Variants in NPAS3 observed in about 807,000 individuals in gnomAD.
NPAS3 encodes the protein neuronal PAS domain-containing protein 3.
In NPAS3, 14 loss-of-function variants were observed where a neutral mutation model predicts 73.1. The ratio of observed to expected loss-of-function variants is 0.19; its 90% confidence interval spans 0.13 to 0.30. NPAS3 has a LOEUF of 0.30. Among genes scored for constraint, NPAS3 ranks in the 10% least tolerant of loss-of-function variants. The probability of loss-of-function intolerance (pLI) is 1.00; values close to 1 mark genes in which losing one functional copy is unlikely to be tolerated. For synonymous variants in NPAS3, 620 were observed against 541.5 expected (o/e 1.14, Z -2.01); for missense variants, 1,096 against 1,250.0 (o/e 0.88, Z 1.86).
At chr14:32,946,494 T>C (rs1172101569) in intron 1 of NPAS3, among the ~76,000 whole-genome samples, 1 of 152,144 alleles carries the variant, frequency 6.6e-6, no homozygotes, top group African/African-American at 2.4e-5. Context: ...AAAGCTGTAC[T>C]TTAGGAAACT....
intron 4 of NPAS3, among the ~76,000 whole-genome samples, chr14:33,494,865 G>A (rs2052091368): frequency 6.6e-6 from 1 of 152,060 alleles, no homozygotes. Context: ...GACAAAAACA[G>A]AAGGGAGTTT....
chr14:33,434,013 A>G (rs1001631283), intron 4 of NPAS3, among the ~76,000 whole-genome samples: 1 of 152,092 alleles, frequency 6.6e-6, no homozygotes, highest in Non-Finnish European at 1.5e-5. Flanking sequence ...TAACAAGGTG[A>G]AACCCCGTCT....
intron 3 of NPAS3, among the ~76,000 whole-genome samples, chr14:33,239,403 A>G (rs2048142985): frequency 6.6e-6 from 1 of 151,924 alleles, no homozygotes; most frequent in African/African-American, 2.4e-5. Context: ...TTAATCTGTG[A>G]ATCAAATTTT....
intron 4 of NPAS3, among the ~76,000 whole-genome samples, chr14:33,545,192 G>C (rs2054783573): frequency 6.6e-6 from 1 of 151,876 alleles, no homozygotes; most frequent in Non-Finnish European, 1.5e-5. Context: ...CATGACTATT[G>C]AGTTTTTTTC....
chr14:33,114,488 G>A (rs1327443707), intron 2 of NPAS3, among the ~76,000 whole-genome samples: 4 of 152,158 alleles, frequency 2.6e-5, no homozygotes, highest in African/African-American at 9.7e-5. Flanking sequence ...TATGTTGTAA[G>A]GTTACTGCCT....
At chr14:33,364,379 C>T (rs1594773937) in intron 3 of NPAS3, among the ~76,000 whole-genome samples, 1 of 152,280 alleles carries the variant, frequency 6.6e-6, no homozygotes, top group Middle Eastern at 3.4e-3. Context: ...TTTTTAACAT[C>T]TATTCAGTTA....
intron 1 of NPAS3, among the ~76,000 whole-genome samples, chr14:33,012,874 T>C (rs903635978): frequency 1.3e-5 from 2 of 152,200 alleles, no homozygotes; most frequent in African/African-American, 4.8e-5. Context: ...TTGATTAACA[T>C]GTTTATATAT....
intron 3 of NPAS3, among the ~76,000 whole-genome samples, chr14:33,262,376 A>G (rs138876567): frequency 0.017 from 2,533 of 152,346 alleles, 28 homozygotes; most frequent in Middle Eastern, 0.048. Context: ...TTCAAGTTCT[A>G]TACACAACCA....
At chr14:33,476,984 C>A (rs1267449335) in intron 4 of NPAS3, among the ~76,000 whole-genome samples, 2 of 151,852 alleles carry the variant, frequency 1.3e-5, no homozygotes, top group Non-Finnish European at 2.9e-5. Flanking sequence ...TTCTCTTTTT[C>A]TTTTATTTAA....
At chr14:33,143,273 C>T (rs563495777) in intron 2 of NPAS3, among the ~76,000 whole-genome samples, 4 of 152,296 alleles carry the variant, frequency 2.6e-5, no homozygotes, top group South Asian at 2.1e-4. Flanking sequence ...GGGTGGATCA[C>T]CTGAGGTCAG....
chr14:32,966,776 CAAAAAAA>C (rs61620104), intron 1 of NPAS3, among the ~76,000 whole-genome samples: 1 of 45,156 alleles, frequency 2.2e-5, no homozygotes, highest in Non-Finnish European at 4.1e-5. Flanking sequence ...GACTCCGTCT[CAAAAAAA>C]AAAAAAAAAA....
At chr14:33,034,836 C>A (rs893405568) in intron 1 of NPAS3, among the ~76,000 whole-genome samples, 1 of 152,022 alleles carries the variant, frequency 6.6e-6, no homozygotes, top group African/African-American at 2.4e-5. Context: ...ACCAAGGAGG[C>A]CATAGGACCA....
intron 3 of NPAS3, among the ~76,000 whole-genome samples, chr14:33,239,448 G>C (rs1454592046): frequency 4.0e-5 from 6 of 151,726 alleles, no homozygotes; most frequent in Non-Finnish European, 7.4e-5. Context: ...TTTTTTCAAG[G>C]ATCTTTATTC....
chr14:33,268,539 T>C (rs1292541174), intron 3 of NPAS3, among the ~76,000 whole-genome samples: 3 of 152,134 alleles, frequency 2.0e-5, no homozygotes, highest in African/African-American at 7.2e-5. Context: ...TTATTGTATC[T>C]CTTTTTTTTG....
At chr14:33,152,001 T>C (rs999569378) in intron 2 of NPAS3, among the ~76,000 whole-genome samples, 2 of 152,126 alleles carry the variant, frequency 1.3e-5, no homozygotes, top group African/African-American at 4.8e-5. Context: ...TCCTTCACTC[T>C]ATAGTTCTGA....
chr14:33,298,588 A>G (rs889178224), intron 3 of NPAS3, among the ~76,000 whole-genome samples: 3 of 152,144 alleles, frequency 2.0e-5, no homozygotes, highest in Non-Finnish European at 4.4e-5. Context: ...ACCTCTTGCT[A>G]ACCCCTTTCT....
intron 7 of NPAS3, among the ~76,000 whole-genome samples, chr14:33,740,684 TA>T (rs1384562564): frequency 6.6e-6 from 1 of 152,212 alleles, no homozygotes; most frequent in African/African-American, 2.4e-5. Context: ...AACTGAAACA[TA>T]CTGGGTCCAT....
At chr14:33,765,744 TTTA>T (rs1157373162) in intron 7 of NPAS3, among the ~76,000 whole-genome samples, 2 of 152,226 alleles carry the variant, frequency 1.3e-5, no homozygotes, top group African/African-American at 4.8e-5. Flanking sequence ...CTGGGTCATC[TTTA>T]TTAAGATCTC....
intron 2 of NPAS3, among the ~76,000 whole-genome samples, chr14:33,071,625 A>T (rs2041487466): frequency 1.3e-5 from 2 of 152,210 alleles, no homozygotes; most frequent in African/African-American, 4.8e-5. Flanking sequence ...TTAAATATAT[A>T]ATTGCAACAT....
Sources: gnomAD v4.1 joint callset for allele counts (sites outside exome capture counted in the v4.1 genomes callset) on GRCh38, gnomAD v4.1.1 for gene constraint, MANE v1.5 for transcripts, NCBI Gene and HGNC (gene_info 2026-07-23, HGNC 2026-07-21) for gene names.